Variants in RALYL observed in about 807,000 individuals in gnomAD.
RALYL encodes RNA-binding Raly-like protein.
Under a neutral mutation model 35.1 loss-of-function variants are expected in RALYL, and 29 were observed. That is an observed-to-expected ratio of 0.83 (90% CI 0.61 to 1.13). RALYL has a LOEUF of 1.13. RALYL is among the 50% of genes most tolerant of loss of function. The probability of loss-of-function intolerance (pLI) is 0.00; values close to 1 mark genes in which losing one functional copy is unlikely to be tolerated. For missense variants in RALYL, 359 were observed against 360.4 expected, an observed-to-expected ratio of 1.00 and a Z score of 0.03; for synonymous variants, 120 against 127.6, an observed-to-expected ratio of 0.94 and a Z score of 0.40.
At chr8:84,301,645 C>T (rs921241396) in intron 1 of RALYL, among the ~76,000 whole-genome samples, 1 of 152,058 alleles carries the variant, frequency 6.6e-6, no homozygotes, top group Non-Finnish European at 1.5e-5. Flanking sequence ...CTCTTTTGCT[C>T]TAAATTGTAC....
intron 1 of RALYL, among the ~76,000 whole-genome samples, chr8:84,252,911 A>G (rs1047418938): frequency 1.1e-4 from 17 of 152,132 alleles, no homozygotes; most frequent in African/African-American, 3.6e-4. Context: ...TCAATATCCT[A>G]TGTTTCATTT....
intron 2 of RALYL, among the ~76,000 whole-genome samples, chr8:84,651,542 T>C (rs1828827124): frequency 6.6e-6 from 1 of 152,008 alleles, no homozygotes; most frequent in Non-Finnish European, 1.5e-5. Context: ...ATGTTTTCCA[T>C]AGAATAAACA....
At chr8:84,585,496 G>A (rs1811788530) in intron 2 of RALYL, among the ~76,000 whole-genome samples, 1 of 152,012 alleles carries the variant, frequency 6.6e-6, no homozygotes, top group African/African-American at 2.4e-5. Context: ...AGGAAGTACA[G>A]TTAACGTGTA....
chr8:84,341,181 T>C (rs1242850513), intron 1 of RALYL, among the ~76,000 whole-genome samples: 1 of 144,142 alleles, frequency 6.9e-6, no homozygotes, highest in Non-Finnish European at 1.5e-5. Flanking sequence ...TTTTTTGCCA[T>C]TGATTTGTAG....
intron 8 of RALYL, among the ~76,000 whole-genome samples, chr8:84,890,701 T>C (rs1388002916): frequency 1.3e-5 from 2 of 152,166 alleles, no homozygotes; most frequent in Non-Finnish European, 2.9e-5. Flanking sequence ...ACTACTGTTA[T>C]CACGTTATCA....
In RALYL at chr8:84,695,935, C is replaced by T. The variant is rs375420692; in HGVS notation, c.257-78644C>T. Among the ~76,000 whole-genome samples, 36 of 151,916 alleles carry T rather than the reference C, an allele frequency of 2.4e-4. No individual in the cohort carries two copies. In the East Asian group the frequency reaches 6.0e-3, roughly 25 times the overall value. On this transcript the variant is annotated intron_variant, in intron 2 of 8. Transcript: ENST00000521268. ...ACTCCTAATACAGCACTCATTCCCT[C>T]AGCCTCAGAGAAGAGTGGACCAGTC...
intron 1 of RALYL, among the ~76,000 whole-genome samples, chr8:84,433,397 A>T (rs1482040176): frequency 6.6e-6 from 1 of 152,106 alleles, no homozygotes; most frequent in African/African-American, 2.4e-5. Flanking sequence ...GGAGAGAATT[A>T]TATTTTATAG....
At chr8:84,665,424 A>G (rs1282426231) in intron 2 of RALYL, among the ~76,000 whole-genome samples, 2 of 151,794 alleles carry the variant, frequency 1.3e-5, no homozygotes, top group Non-Finnish European at 2.9e-5. Context: ...CTCTAGTAGT[A>G]TTTGTCTGGT....
chr8:84,865,303 G>T (rs904791568), intron 6 of RALYL, among the ~76,000 whole-genome samples: 1 of 152,130 alleles, frequency 6.6e-6, no homozygotes, highest in Non-Finnish European at 1.5e-5. Context: ...AAGGTATATA[G>T]CTTGCTCTTT....
intron 2 of RALYL, among the ~76,000 whole-genome samples, chr8:84,570,164 G>A (rs536478219): frequency 1.3e-5 from 2 of 151,880 alleles, no homozygotes; most frequent in East Asian, 3.9e-4. Flanking sequence ...TGAATCTGTA[G>A]GTGGCCTTGG....
chr8:84,457,512 A>G (rs2050270030), intron 1 of RALYL, among the ~76,000 whole-genome samples: 1 of 151,926 alleles, frequency 6.6e-6, no homozygotes, highest in South Asian at 2.1e-4. Flanking sequence ...AAAAAGGGAC[A>G]TATTAATGTT....
intron 2 of RALYL, among the ~76,000 whole-genome samples, chr8:84,531,408 T>A (rs1240153224): frequency 6.6e-6 from 1 of 152,098 alleles, no homozygotes; most frequent in Non-Finnish European, 1.5e-5. Context: ...AGGAATATAG[T>A]TTTTATTTAC....
intron 2 of RALYL, among the ~76,000 whole-genome samples, chr8:84,571,443 G>A (rs187974637): frequency 3.9e-4 from 59 of 151,754 alleles, no homozygotes; most frequent in African/African-American, 1.3e-3. Flanking sequence ...TTGTATTTCT[G>A]TGATATGAGT....
chr8:84,339,538 T>C (rs1352590412), intron 1 of RALYL, among the ~76,000 whole-genome samples: 2 of 151,910 alleles, frequency 1.3e-5, no homozygotes, highest in Non-Finnish European at 2.9e-5. Flanking sequence ...TTCTACATTA[T>C]GGTGAATTGT....
intron 2 of RALYL, among the ~76,000 whole-genome samples, chr8:84,554,096 T>C (rs1457360735): frequency 6.6e-6 from 1 of 152,220 alleles, no homozygotes. Context: ...TAGGTTTCTT[T>C]TAGAAACTTG....
intron 2 of RALYL, among the ~76,000 whole-genome samples, chr8:84,643,257 A>T (rs1720375218): frequency 6.6e-6 from 1 of 151,904 alleles, no homozygotes; most frequent in Admixed American, 6.6e-5. Flanking sequence ...ATACAAACAA[A>T]TACAAATGCA....
intron 3 of RALYL, among the ~76,000 whole-genome samples, chr8:84,784,322 G>C (rs772110350): frequency 6.0e-4 from 91 of 152,326 alleles, no homozygotes; most frequent in Non-Finnish European, 1.1e-3. Context: ...GGAGAGGAGA[G>C]AAGAAGAAAT....
chr8:84,223,652 G>C (rs951492467), intron 1 of RALYL, among the ~76,000 whole-genome samples: 4 of 152,194 alleles, frequency 2.6e-5, no homozygotes, highest in Non-Finnish European at 5.9e-5. Flanking sequence ...TTGGAAGGAA[G>C]TTTGAGATTC....
At chr8:84,603,436 C>G (rs1036184743) in intron 2 of RALYL, among the ~76,000 whole-genome samples, 1 of 150,214 alleles carries the variant, frequency 6.7e-6, no homozygotes, top group Non-Finnish European at 1.5e-5. Context: ...AATGAATGAA[C>G]AATTGGCATT....
Sources: allele counts gnomAD v4.1 joint callset (sites outside exome capture counted in the v4.1 genomes callset), GRCh38; gene constraint gnomAD v4.1.1; transcripts MANE v1.5; gene names NCBI Gene and HGNC (gene_info 2026-07-23, HGNC 2026-07-21).